NRDE2: variants seen among roughly 807,000 people sequenced by gnomAD.
The protein encoded by NRDE2 is NRDE-2, necessary for RNA interference, domain containing.
A neutral mutation model predicts 124.2 loss-of-function variants in NRDE2; 76 were observed. The ratio of observed to expected loss-of-function variants is 0.61; its 90% confidence interval spans 0.51 to 0.74. The LOEUF is 0.74. Ranked by LOEUF, NRDE2 falls within the 30% of genes least tolerant of loss-of-function variation. The pLI is 0.00. For synonymous variants in NRDE2, 489 were observed against 528.1 expected (o/e 0.93, Z 1.01); for missense variants, 1,314 against 1,417.3 (o/e 0.93, Z 1.17).
At position 90,290,292 on chromosome 14, in the gene NRDE2, C is replaced by T. The variant is rs1268665277; in HGVS notation, c.2158G>A (p.Val720Ile). ...EEFIRNVFHL[V>I]MPLFSGKEKS... The stretch of plus-strand genomic sequence containing the variant: ...TCTTTGCCTGAAAATAAAGGCATGA[C>T]AAGGTGGAAGACATTGCGGATGAAC... The change falls in exon 10 of 14, where the codon GTC becomes ATC. Residue 720 changes from valine (V) to isoleucine (I), a missense_variant. Coordinates refer to ENST00000354366, the MANE Select transcript of NRDE2 (RefSeq NM_017970.4). 6.2e-7 allele frequency: 1 copy of T among 1,613,938 alleles called. No homozygotes were observed. The highest frequency in any genetic ancestry group is 1.3e-5 in the African/African-American group (1 of 74,912).
At chr14:90,312,593 C>T in intron 3 of NRDE2, 50 bp from the exon 4 acceptor site, 1 of 1,600,202 alleles carries the variant, frequency 6.2e-7, no homozygotes, top group Non-Finnish European at 8.6e-7. Flanking sequence ...AAAAAATCTT[C>T]CAGTGACGCA....
intron 4 of NRDE2, 51 bp from the exon 5 acceptor site, chr14:90,304,433 CTGAA>C: frequency 7.2e-7 from 1 of 1,393,194 alleles, no homozygotes; most frequent in South Asian, 1.4e-5. Flanking sequence ...TGTACTACCT[CTGAA>C]TGACTAAAGG....
intron 3 of NRDE2, among the ~76,000 whole-genome samples, chr14:90,314,752 T>C (rs1452439322): frequency 2.0e-5 from 3 of 152,338 alleles, no homozygotes; most frequent in African/African-American, 7.2e-5. Context: ...TACTCTGTAA[T>C]GGGCCCTGTG....
At position 90,271,258 on chromosome 14, in the gene NRDE2, TTTTTTGCCACATCTTG is replaced by T; in HGVS notation, c.*7062_*7077del. ...AACAAACTTCTGTGCCAGGATTGTG[TTTTTTGCCACATCTTG>T]TTTTTGCCACAGTAATTACTGGCCA... is the stretch of plus-strand genomic sequence containing the variant. On this transcript the variant is annotated 3_prime_UTR_variant, in exon 14 of 14. Transcript: ENST00000354366. The T allele has an allele frequency of 6.6e-6, 1 of 152,276 alleles. No individual in the cohort carries two copies. The highest frequency in any genetic ancestry group is 1.9e-4 in the East Asian group (1 of 5,184). 9.4% of individuals were successfully genotyped at this position (152,276 alleles called of 1,614,324 possible).
chr14:90,293,395 T>C (rs1285269670), intron 8 of NRDE2, among the ~76,000 whole-genome samples: 1 of 152,124 alleles, frequency 6.6e-6, no homozygotes, highest in Non-Finnish European at 1.5e-5. Flanking sequence ...GGATTACAGG[T>C]ATGTGCCACC....
In NRDE2 at chr14:90,320,848, G is replaced by T. The variant is rs950856409; in HGVS notation, c.65-2735C>A. Among the ~76,000 whole-genome samples the T allele has an allele frequency of 3.9e-5, 6 of 152,248 alleles. No individual in the cohort carries two copies. In the Middle Eastern group the frequency reaches 0.01, roughly 259 times the overall value. Reference sequence around the variant, plus strand: ...GTATTATGATCACCATTTTATAGAAGAGGAAACTAAGACTCAAAGGGGTTA... The same window carrying T: ...GTATTATGATCACCATTTTATAGAATAGGAAACTAAGACTCAAAGGGGTTA... On this transcript the variant is annotated intron_variant, in intron 1 of 13. Coordinates refer to ENST00000354366, the MANE Select transcript of NRDE2 (RefSeq NM_017970.4).
chr14:90,300,483 T>C (rs1041543612), intron 7 of NRDE2, among the ~76,000 whole-genome samples: 3 of 152,114 alleles, frequency 2.0e-5, no homozygotes, highest in African/African-American at 7.2e-5. Flanking sequence ...CCACTAGACA[T>C]CTTTACAGAG....
At position 90,270,315 on chromosome 14, in the gene NRDE2, T is replaced by C; in HGVS notation, c.*8021A>G. On this transcript the variant is annotated 3_prime_UTR_variant, in exon 14 of 14. Transcript: ENST00000354366. ...GATGATGTAACCCTGGACGACCTGA[T>C]CATGGCTAAAGATGACCTCTCTGGT... 6.2e-7 allele frequency: 1 copy of C among 1,613,608 alleles called. No homozygotes were observed. Among genetic ancestry groups the C allele is most frequent in the Non-Finnish European group, 8.5e-7 (1 of 1,179,920 alleles).
intron 7 of NRDE2, among the ~76,000 whole-genome samples, chr14:90,299,963 G>A (rs996168952): frequency 5.3e-5 from 8 of 152,188 alleles, no homozygotes; most frequent in Admixed American, 2.0e-4. Context: ...TGGAATATTA[G>A]TAAATAAGAA....
intron 4 of NRDE2, among the ~76,000 whole-genome samples, chr14:90,308,754 G>C (rs550420122): frequency 6.6e-6 from 1 of 152,192 alleles, no homozygotes; most frequent in Non-Finnish European, 1.5e-5. Flanking sequence ...ACAGAACAAT[G>C]AGTTGTTGTT....
Position 90,301,363 on chromosome 14 carries a change from A to AGTGCT in NRDE2, c.1420_1421insAGCAC (p.Leu474GlnfsTer36), listed in dbSNP as rs1378489404. ...CTGCCGCAGAAAGTGGCACTGCTGAAGAAAGAGTGCTGCGAACAGGAGGGC... is the reference window on the plus strand; with the variant it reads ...CTGCCGCAGAAAGTGGCACTGCTGAAGTGCTGAAAGAGTGCTGCGAACAGGAGGGC... On this transcript the variant is annotated frameshift_variant, in exon 7 of 14. Transcript: ENST00000354366. LOFTEE classifies it high-confidence loss of function. 6.8e-6 allele frequency: 11 copies of AGTGCT among 1,613,906 alleles called. No individual in the cohort carries two copies. Among genetic ancestry groups the AGTGCT allele is most frequent in the Non-Finnish European group, 9.3e-6 (11 of 1,179,920 alleles).
rs199508719 is a variant in NRDE2 at position 90,268,459 on chromosome 14, G to A, written c.*9877C>T. On this transcript the variant is annotated 3_prime_UTR_variant, in exon 14 of 14. Coordinates refer to ENST00000354366, the MANE Select transcript of NRDE2 (RefSeq NM_017970.4). ...TTTGCCTTGTTTAGTAGGGAACACC[G>A]CATAGCTCTTCTCTTGAGAATGAGC... 5.7e-6 allele frequency: 9 copies of A among 1,567,046 alleles called. No homozygotes were observed. Among genetic ancestry groups the A allele is most frequent in the East Asian group, 2.2e-5 (1 of 44,542 alleles).
intron 3 of NRDE2, 141 bp from the exon 4 acceptor site, chr14:90,312,684 A>G (rs907880853): frequency 2.6e-6 from 2 of 776,390 alleles, no homozygotes; most frequent in African/African-American, 1.7e-5. Flanking sequence ...TTAAATGTAC[A>G]TGTGCCACAG....
At chr14:90,284,339 G>GT (rs1488387808) in intron 12 of NRDE2, among the ~76,000 whole-genome samples, 9 of 148,206 alleles carry the variant, frequency 6.1e-5, no homozygotes, top group Middle Eastern at 3.6e-3. Context: ...AGGTCACTTT[G>GT]TTTTTTTTCT....
chr14:90,306,480 C>T lies in NRDE2; in HGVS notation c.558-2098G>A, dbSNP rs1884604704. ...GTCTCTTGCCATTCCATTTATGAGT[C>T]AAAAACAACCTTAACAAAGGTGTGA... On this transcript the variant is annotated intron_variant, in intron 4 of 13. Transcript: ENST00000354366. 2.0e-5 allele frequency among the ~76,000 whole-genome samples: 3 copies of T among 152,202 alleles called. No individual in the cohort carries two copies. In the South Asian group the frequency reaches 6.2e-4, roughly 31 times the overall value.
intron 4 of NRDE2, 148 bp from the exon 5 acceptor site, chr14:90,304,530 A>T: frequency 1.7e-6 from 1 of 598,650 alleles, no homozygotes; most frequent in South Asian, 2.3e-5. Flanking sequence ...CTATTTGGAG[A>T]TACACAAGGA....
In NRDE2 at chr14:90,278,412, A is replaced by T. The variant is rs776805454; in HGVS notation, c.3419T>A (p.Ile1140Asn). 9 of 1,614,082 alleles carry T rather than the reference A, an allele frequency of 5.6e-6. No homozygotes were observed. The Admixed American group carries it at 1.5e-4, about 27-fold the overall frequency. Residue 1140 changes from isoleucine to asparagine, a missense_variant, in exon 14 of 14, where the codon ATC (isoleucine) becomes AAC (asparagine). Physicochemically the swap from Ile to Asn is moderately radical, Grantham distance 149. Transcript: ENST00000354366. ...VEYFPDEMQEILDLMTEKELR... is the reference protein window; with the variant it reads ...VEYFPDEMQENLDLMTEKELR... Reference sequence around the variant, plus strand: ...CTCCTTCTCAGTCATCAGGTCCAGGATCTCCTGCATCTCATCGGGGAAATA... The same window carrying T: ...CTCCTTCTCAGTCATCAGGTCCAGGTTCTCCTGCATCTCATCGGGGAAATA...
rs542353965 is a variant in NRDE2, at chr14:90,271,961, C to T, written c.*6375G>A. On this transcript the variant is annotated 3_prime_UTR_variant, in exon 14 of 14. Transcript: ENST00000354366. ...AGGCTAGAGTGCAGTGGCGCGATCT[C>T]GGCTCACTGTAACCTCTGCCTCCCG... 16 of 209,966 alleles carry T rather than the reference C, an allele frequency of 7.6e-5. No individual in the cohort carries two copies. In the East Asian group the frequency reaches 1.8e-3, roughly 24 times the overall value. The allele number at this position is 209,966 out of a possible 1,614,324, so 13.0% of individuals were successfully genotyped here.
Position 90,288,382 on chromosome 14 carries a change from T to C in NRDE2, c.2993A>G (p.Gln998Arg). ...SQALKLYPGN[Q>R]VLWRSYVQIQ... Reference sequence around the variant, plus strand: ...CTGTACATAGGACCTCCAAAGAACCTGGTTGCCTGGATACAACTTTAAAGC... The same window carrying C: ...CTGTACATAGGACCTCCAAAGAACCCGGTTGCCTGGATACAACTTTAAAGC... Residue 998 changes from glutamine (Q) to arginine (R), a missense_variant, in exon 11 of 14, where the codon CAG becomes CGG. Gln to Arg is a conservative substitution (Grantham distance 43). Coordinates refer to ENST00000354366, the MANE Select transcript of NRDE2 (RefSeq NM_017970.4). 6.2e-7 allele frequency: 1 copy of C among 1,614,200 alleles called. No individual in the cohort carries two copies. Among genetic ancestry groups the C allele is most frequent in the Middle Eastern group, 1.6e-4 (1 of 6,062 alleles).
Sources: gnomAD v4.1 joint callset for allele counts (sites outside exome capture counted in the v4.1 genomes callset) on GRCh38, gnomAD v4.1.1 for gene constraint, MANE v1.5 for transcripts, NCBI Gene and HGNC (gene_info 2026-07-23, HGNC 2026-07-21) for gene names.